ZAP70: variants seen among roughly 807,000 people sequenced by gnomAD.
ZAP70 encodes the protein tyrosine-protein kinase ZAP-70.
A neutral mutation model predicts 65.8 loss-of-function variants in ZAP70; 27 were observed. The observed-to-expected ratio is 0.41, with a 90% CI of 0.30 to 0.57. The LOEUF (loss-of-function observed/expected upper bound fraction) is 0.57. Ranked by LOEUF, ZAP70 falls within the 20% of genes least tolerant of loss-of-function variation. ZAP70 has a pLI of 0.28. For synonymous variants in ZAP70, 363 were observed against 360.8 expected (o/e 1.01, Z -0.07); for missense variants, 696 against 870.5 (o/e 0.80, Z 2.52).
At chr2:97,718,264 T>C (rs559718554) in intron 2 of ZAP70, among the ~76,000 whole-genome samples, 1 of 152,266 alleles carries the variant, frequency 6.6e-6, no homozygotes, top group Non-Finnish European at 1.5e-5. Flanking sequence ...ATCCCCTGCC[T>C]GGGGTCTGGG....
chr2:97,717,992 C>T (rs1677006673), intron 2 of ZAP70, among the ~76,000 whole-genome samples: 1 of 152,176 alleles, frequency 6.6e-6, no homozygotes. Context: ...GATCCAGGGG[C>T]TGTAAGTTCT....
chr2:97,735,197 C>T (rs1278182616), intron 9 of ZAP70, 53 bp from the exon 10 acceptor site: 6 of 1,604,182 alleles, frequency 3.7e-6, no homozygotes, highest in African/African-American at 2.7e-5. Flanking sequence ...GGTGTGGGGC[C>T]GAGCAGGGCC....
At chr2:97,742,587 C>G (rs1300578459), downstream of ZAP70, among the ~76,000 whole-genome samples, 1 of 152,248 alleles carries the variant, frequency 6.6e-6, no homozygotes, top group Non-Finnish European at 1.5e-5. Flanking sequence ...TCAAATTTCT[C>G]TCTTCTCTGT....
intron 4 of ZAP70, among the ~76,000 whole-genome samples, chr2:97,730,189 T>G (rs1677544879): frequency 6.6e-6 from 1 of 152,188 alleles, no homozygotes; most frequent in Non-Finnish European, 1.5e-5. Context: ...GTTGCACCAT[T>G]GTACTCCAGC....
At chr2:97,753,697 C>T in the ZAP70 span, among the ~76,000 whole-genome samples, 2 of 152,174 alleles carry the variant, frequency 1.3e-5, no homozygotes, top group Non-Finnish European at 2.9e-5. Context: ...GATACCTGGG[C>T]ATAGCAGCTC....
intron 3 of ZAP70, 102 bp downstream of exon 3, chr2:97,724,540 A>G (rs996968760): frequency 2.0e-6 from 3 of 1,530,870 alleles, no homozygotes; most frequent in African/African-American, 2.7e-5. Context: ...CGTCTTCCCC[A>G]TTCAGTCCCC....
chr2:97,754,884 C>T, the ZAP70 span, among the ~76,000 whole-genome samples: 1 of 152,226 alleles, frequency 6.6e-6, no homozygotes, highest in Admixed American at 6.5e-5. Context: ...AGCCTACACA[C>T]CATAGCTCTG....
rs201924061 is a variant in ZAP70 at position 97,724,244 on chromosome 2, G to A, written c.208G>A (p.Ala70Thr). The A allele has an allele frequency of 8.7e-6, 14 of 1,604,360 alleles. No homozygotes were observed. The highest frequency in any genetic ancestry group is 2.2e-5 in the South Asian group (2 of 89,974). The change falls in exon 3 of 14, where the codon GCC becomes ACC. Residue 70 changes from alanine to threonine, a missense_variant. By Grantham distance (58) the Ala-to-Thr change is moderately conservative. This residue lies in a region of ZAP70 where 551 missense variants were observed against 630.0 expected (regional missense o/e 0.87). Coordinates refer to ENST00000264972, the MANE Select transcript of ZAP70 (RefSeq NM_001079.4). ...CGAGCGCCAGCTCAACGGCACCTAC[G>A]CCATTGCCGGCGGCAAAGCGCACTG... ...PIERQLNGTY[A>T]IAGGKAHCGP...
chr2:97,746,454 G>A, the ZAP70 span, among the ~76,000 whole-genome samples: 4 of 152,166 alleles, frequency 2.6e-5, no homozygotes, highest in Admixed American at 6.5e-5. Context: ...CACAACCAAC[G>A]TTGTCTATGC....
intron 2 of ZAP70, among the ~76,000 whole-genome samples, chr2:97,721,812 G>T (rs1053313119): frequency 4.7e-5 from 7 of 147,584 alleles, no homozygotes; most frequent in Non-Finnish European, 8.9e-5. Flanking sequence ...TTGCTGTCTC[G>T]CACTGTCGCC....
chr2:97,724,419 G>A lies in ZAP70; in HGVS notation c.383G>A (p.Arg128His). The change falls in exon 3 of 14, where the codon CGC becomes CAC. Residue 128 changes from arginine (R) to histidine (H), a missense_variant. By Grantham distance (29) the Arg-to-His change is conservative (BLOSUM62 0). This residue lies in a region of ZAP70 where 551 missense variants were observed against 630.0 expected (regional missense o/e 0.87). Transcript: ENST00000264972. ...GACGCCATGGTGCGTGACTACGTGC[G>A]CCAGACGTGGAAGCTGGAGGTGAGA... Reference protein sequence around the residue: ...LRDAMVRDYVRQTWKLEGEAL... With the variant: ...LRDAMVRDYVHQTWKLEGEAL... 2 of 1,536,478 alleles carry A rather than the reference G, an allele frequency of 1.3e-6. No homozygotes were observed. Among genetic ancestry groups the A allele is most frequent in the Admixed American group, 1.9e-5 (1 of 53,004 alleles).
At chr2:97,719,521 G>T (rs1486934517) in intron 2 of ZAP70, among the ~76,000 whole-genome samples, 1 of 149,270 alleles carries the variant, frequency 6.7e-6, no homozygotes, top group Non-Finnish European at 1.5e-5. Flanking sequence ...CCTACAGACT[G>T]CCAGGGGTGC....
chr2:97,716,367 A>T lies in ZAP70; in HGVS notation c.-22+2373A>T, dbSNP rs1449991191. Among the ~76,000 whole-genome samples, 3 of 152,324 alleles carry T rather than the reference A, an allele frequency of 2.0e-5. No homozygotes were observed. In the East Asian group the frequency reaches 5.8e-4, roughly 29 times the overall value. Reference sequence around the variant, plus strand: ...TCCTCTGTGCCATGCTGGTATAGGTAGGAGAACAAGACAAAGGCTCCACTC... The same window carrying T: ...TCCTCTGTGCCATGCTGGTATAGGTTGGAGAACAAGACAAAGGCTCCACTC... On this transcript the variant is annotated intron_variant, in intron 2 of 13. Transcript: ENST00000264972.
chr2:97,756,064 T>G, the ZAP70 span, among the ~76,000 whole-genome samples: 150 of 152,342 alleles, frequency 9.8e-4, no homozygotes, highest in East Asian at 0.016. Flanking sequence ...ATTACTGCTT[T>G]TTATGAGGCC....
Position 97,724,318 on chromosome 2 carries a change from GC to G in ZAP70, c.285del (p.Cys96AlafsTer73). 1 of 1,584,804 alleles carries G rather than the reference GC, an allele frequency of 6.3e-7. No individual in the cohort carries two copies. The highest frequency in any genetic ancestry group is 1.1e-5 in the South Asian group (1 of 89,470). On this transcript the variant is annotated frameshift_variant, in exon 3 of 14. Coordinates refer to ENST00000264972, the MANE Select transcript of ZAP70 (RefSeq NM_001079.4). LOFTEE classifies it high-confidence loss of function. ...TCTACTCGCGCGACCCCGACGGGCT[GC>G]CCTGCAACCTGCGCAAGCCGTGCAA... ...EFYSRDPDGL[P>X]CNLRKPCNRP... is the part of the protein sequence containing the mutation.
At chr2:97,753,724 C>G in the ZAP70 span, among the ~76,000 whole-genome samples, 1 of 152,110 alleles carries the variant, frequency 6.6e-6, no homozygotes, top group African/African-American at 2.4e-5. Flanking sequence ...GTAATCCCAG[C>G]ACTTTGGGAG....
chr2:97,749,001 TCC>T, the ZAP70 span, among the ~76,000 whole-genome samples: 3 of 147,284 alleles, frequency 2.0e-5, no homozygotes, highest in African/African-American at 5.1e-5. Context: ...ATGTGACACT[TCC>T]CTTTTTTTTT....
Position 97,724,219 on chromosome 2 carries a change from C to A in ZAP70, c.183C>A (p.Ile61=). 1.2e-6 allele frequency: 2 copies of A among 1,600,768 alleles called. No homozygotes were observed. Among genetic ancestry groups the A allele is most frequent in the Non-Finnish European group, 1.7e-6 (2 of 1,175,216 alleles). Residue 61 remains isoleucine, a synonymous_variant, in exon 3 of 14, where the codon ATC becomes ATA. Transcript: ENST00000264972. The part of the protein sequence containing the change: ...VHDVRFHHFP[I]ERQLNGTYAI... ...ATGTGCGCTTCCACCACTTTCCCATCGAGCGCCAGCTCAACGGCACCTACG... is the reference window on the plus strand; with the variant it reads ...ATGTGCGCTTCCACCACTTTCCCATAGAGCGCCAGCTCAACGGCACCTACG...
chr2:97,734,487 C>T (rs1345451827), intron 8 of ZAP70, 33 bp from the exon 9 acceptor site: 2 of 1,600,988 alleles, frequency 1.2e-6, no homozygotes, highest in Non-Finnish European at 1.7e-6. Flanking sequence ...ACCCCTGCCC[C>T]TGACCTGGGA....
Sources: gnomAD v4.1 joint callset for allele counts (sites outside exome capture counted in the v4.1 genomes callset) on GRCh38, gnomAD v4.1.1 for gene constraint, gnomAD v4.1.1 regional missense constraint, MANE v1.5 for transcripts, NCBI Gene and HGNC (gene_info 2026-07-23, HGNC 2026-07-21) for gene names.